GALT: variants seen among roughly 807,000 people sequenced by gnomAD.
GALT encodes UDP-glucose--hexose-1-phosphate uridylyltransferase.
Under a neutral mutation model 55.4 loss-of-function variants are expected in GALT, and 42 were observed. The ratio of observed to expected loss-of-function variants is 0.76; its 90% CI spans 0.59 to 0.98. The LOEUF (loss-of-function observed/expected upper bound fraction) is 0.98. GALT is among the 50% of genes least tolerant of loss of function. The pLI is 0.00. For missense variants in GALT, 407 were observed against 495.7 expected (o/e 0.82, Z 1.70); for synonymous variants, 154 against 181.5 (o/e 0.85, Z 1.22).
Position 34,649,047 on chromosome 9 carries a change from T to G in GALT, c.870T>G (p.Phe290Leu), listed in dbSNP as rs757809358. The G allele has an allele frequency of 6.2e-7, 1 of 1,614,108 alleles. No homozygotes were observed. The highest frequency in any genetic ancestry group is 1.1e-5 in the South Asian group (1 of 91,078). ...KKLLTKYDNLFETSFPYSMGW... is the reference protein window; with the variant it reads ...KKLLTKYDNLLETSFPYSMGW... ...TCTTGACCAAGTATGACAACCTCTT[T>G]GAGACGTCCTTTCCCTACTCCATGG... The change falls in exon 9 of 11, where the codon TTT becomes TTG. Residue 290 changes from phenylalanine to leucine, a missense_variant. Phe to Leu is a conservative substitution (Grantham distance 22, BLOSUM62 0). Transcript: ENST00000378842.
chr9:34,650,396 G>A lies in GALT; in HGVS notation c.1087G>A (p.Glu363Lys), dbSNP rs367543273. 3 of 1,613,990 alleles carry A rather than the reference G, an allele frequency of 1.9e-6. No homozygotes were observed. The highest frequency in any genetic ancestry group is 2.5e-6 in the Non-Finnish European group (3 of 1,179,988). Residue 363 changes from glutamate to lysine, a missense_variant, in exon 11 of 11, where the codon GAG becomes AAG. Coordinates refer to ENST00000378842, the MANE Select transcript of GALT (RefSeq NM_000155.4). Reference sequence around the variant, plus strand: ...TGCAGAGAGACTAAGGGCACTTCCTGAGGTTCATTACCACCTGGGGCAGAA... The same window carrying A: ...TGCAGAGAGACTAAGGGCACTTCCTAAGGTTCATTACCACCTGGGGCAGAA... ...QAAERLRALP[E>K]VHYHLGQKDR... is the part of the protein sequence containing the mutation.
intron 9 of GALT, 109 bp downstream of exon 9, chr9:34,649,190 G>T (rs1013531430): frequency 8.4e-6 from 11 of 1,312,814 alleles, no homozygotes; most frequent in South Asian, 7.1e-5. Flanking sequence ...ACAGTTGCTG[G>T]GGGAAGTGGC....
chr9:34,648,485 A>T lies in GALT; in HGVS notation c.687+29A>T. ...GGAGAGAGCCAAGCCCTGTGTCCCC[A>T]AGGAGTCCCTAACTTTCTTATCCCA... On this transcript the variant is annotated intron_variant, in intron 7 of 10. Coordinates refer to ENST00000378842, the MANE Select transcript of GALT (RefSeq NM_000155.4). This position sits in a 1 kb window ranked among gnomAD's most constrained non-coding sequence, Gnocchi z 4.9. 5 of 1,614,064 alleles carry T rather than the reference A, an allele frequency of 3.1e-6. No individual in the cohort carries two copies. Among genetic ancestry groups the T allele is most frequent in the Non-Finnish European group, 3.4e-6 (4 of 1,180,004 alleles).
Position 34,648,730 on chromosome 9 carries a change from T to C in GALT, c.688-32T>C, listed in dbSNP as rs200821644. On this transcript the variant is annotated intron_variant, in intron 7 of 10. Coordinates refer to ENST00000378842, the MANE Select transcript of GALT (RefSeq NM_000155.4). This position sits in a 1 kb window ranked among gnomAD's most constrained non-coding sequence, Gnocchi z 4.9. ...ACCACACTCCGGCTCCTATGTCACC[T>C]TGATGACTTCCTATCCATTCTGTCT... The C allele has an allele frequency of 1.2e-6, 2 of 1,611,890 alleles. No individual in the cohort carries two copies. The highest frequency in any genetic ancestry group is 2.2e-5 in the East Asian group (1 of 44,886).
In GALT at chr9:34,650,624, T is replaced by A; in HGVS notation, c.*175T>A. 1.6e-6 allele frequency: 1 copy of A among 614,466 alleles called. No individual in the cohort carries two copies. Among genetic ancestry groups the A allele is most frequent in the South Asian group, 2.0e-5 (1 of 51,220 alleles). 38.1% of individuals were successfully genotyped at this position (614,466 alleles called of 1,614,324 possible). On this transcript the variant is annotated 3_prime_UTR_variant, in exon 11 of 11. Transcript: ENST00000378842. ...TCAGAGGAGTGTGAACCTTCAGAGA[T>A]CTAGGGTTAAAAGCTAAAGGCATAG...
In GALT at chr9:34,649,533, C is replaced by T; in HGVS notation, c.1028C>T (p.Ala343Val). The change falls in exon 10 of 11, where the codon GCT becomes GTT. Residue 343 changes from alanine to valine, a missense_variant. Physicochemically the swap from Ala to Val is moderately conservative, Grantham distance 64. Coordinates refer to ENST00000378842, the MANE Select transcript of GALT (RefSeq NM_000155.4). ...RKFMVGYEML[A>V]QAQRDLTPEQ... ...TTCATGGTTGGCTACGAAATGCTTG[C>T]TCAGGCTCAGAGGGACCTCACCCCT... 2 of 1,614,210 alleles carry T rather than the reference C, an allele frequency of 1.2e-6. No individual in the cohort carries two copies. Among genetic ancestry groups the T allele is most frequent in the Non-Finnish European group, 1.7e-6 (2 of 1,180,018 alleles).
Position 34,649,438 on chromosome 9 carries a change from C to A in GALT, c.933C>A (p.Ala311=). 6.2e-7 allele frequency: 1 copy of A among 1,614,158 alleles called. No individual in the cohort carries two copies. The highest frequency in any genetic ancestry group is 1.7e-5 in the Admixed American group (1 of 60,026). The part of the protein sequence containing the change: ...HGAPTGSEAG[A]NWNHWQLHAH... ...CTCCCACAGGATCAGAGGCTGGGGC[C>A]AACTGGAACCATTGGCAGCTGCACG... is the stretch of plus-strand genomic sequence containing the variant. The change falls in exon 10 of 11, where the codon GCC becomes GCA. Residue 311 remains alanine (A), a synonymous_variant. Coordinates refer to ENST00000378842, the MANE Select transcript of GALT (RefSeq NM_000155.4).
chr9:34,648,667 G>T lies in GALT; in HGVS notation c.688-95G>T. ...GTGGTGAGAAGACATCAGATCCTGG[G>T]CACATTCTTTTCTTCTGCTTCCCTT... On this transcript the variant is annotated intron_variant, in intron 7 of 10. Transcript: ENST00000378842. The surrounding 1 kb of genome is among the most constrained non-coding windows in gnomAD (Gnocchi z 4.9). 1 of 1,546,328 alleles carries T rather than the reference G, an allele frequency of 6.5e-7. No homozygotes were observed.
rs147697991 is a variant in GALT, at chr9:34,649,233, A to G, written c.904+152A>G. 7.9e-4 allele frequency: 937 copies of G among 1,192,948 alleles called. 6 individuals carry two copies. The African/African-American group carries it at 0.013, about 16-fold the overall frequency. The allele number at this position is 1,192,948 out of a possible 1,614,324, so 73.9% of individuals were successfully genotyped here. A position where few individuals can be genotyped will look rare whatever the true frequency, so the allele number is the denominator to read the frequency against. On this transcript the variant is annotated intron_variant, in intron 9 of 10. Transcript: ENST00000378842. Reference sequence around the variant, plus strand: ...GAGATGCTGGGACTGAGGGTGGAGCAGCAAACTTGGTGAAACTACATCTCC... The same window carrying G: ...GAGATGCTGGGACTGAGGGTGGAGCGGCAAACTTGGTGAAACTACATCTCC...
chr9:34,649,771 C>T lies in GALT; in HGVS notation c.1059+207C>T, dbSNP rs78103913. ...CTTCTCTCCTGCTTCCTCCAGGGAA[C>T]CCAACAGTCATGACCCTGATAGTTT... On this transcript the variant is annotated intron_variant, in intron 10 of 10. Coordinates refer to ENST00000378842, the MANE Select transcript of GALT (RefSeq NM_000155.4). 6.7e-4 allele frequency: 393 copies of T among 589,644 alleles called. No homozygotes were observed. In the African/African-American group the frequency reaches 6.9e-3, roughly 10 times the overall value. The allele number at this position is 589,644 out of a possible 1,614,324, so 36.5% of individuals were successfully genotyped here.
Position 34,649,521 on chromosome 9 carries a change from A to G in GALT, c.1016A>G (p.Tyr339Cys), listed in dbSNP as rs1483409336. 2 of 1,614,194 alleles carry G rather than the reference A, an allele frequency of 1.2e-6. No individual in the cohort carries two copies. Among genetic ancestry groups the G allele is most frequent in the Non-Finnish European group, 8.5e-7 (1 of 1,180,032 alleles). Residue 339 changes from tyrosine (Y) to cysteine (C), a missense_variant, in exon 10 of 11, where the codon TAC becomes TGC. Physicochemically the swap from Tyr to Cys is radical, Grantham distance 194. Coordinates refer to ENST00000378842, the MANE Select transcript of GALT (RefSeq NM_000155.4). The stretch of plus-strand genomic sequence containing the variant: ...ACTGTCCGGAAATTCATGGTTGGCT[A>G]CGAAATGCTTGCTCAGGCTCAGAGG... ...SATVRKFMVG[Y>C]EMLAQAQRDL...
chr9:34,648,651 A>G lies in GALT; in HGVS notation c.688-111A>G, dbSNP rs1821172047. 6.6e-7 allele frequency: 1 copy of G among 1,511,830 alleles called. No homozygotes were observed. The highest frequency in any genetic ancestry group is 1.4e-5 in the African/African-American group (1 of 72,948). 93.7% of individuals were successfully genotyped at this position (1,511,830 alleles called of 1,614,324 possible). The stretch of plus-strand genomic sequence containing the variant: ...GTGGTTAGTGGTAGAGGTGGTGAGA[A>G]GACATCAGATCCTGGGCACATTCTT... On this transcript the variant is annotated intron_variant, in intron 7 of 10. Coordinates refer to ENST00000378842, the MANE Select transcript of GALT (RefSeq NM_000155.4). This position sits in a 1 kb window ranked among gnomAD's most constrained non-coding sequence, Gnocchi z 4.9.
rs1412238891 is a variant in GALT at position 34,648,878 on chromosome 9, C to T, written c.804C>T (p.Thr268=). 2.5e-6 allele frequency: 4 copies of T among 1,613,092 alleles called. No individual in the cohort carries two copies. The African/African-American group carries it at 5.3e-5, about 22-fold the overall frequency. The change falls in exon 8 of 11, where the codon ACC becomes ACT. Residue 268 remains threonine, a synonymous_variant. Transcript: ENST00000378842. This position sits in a 1 kb window ranked among gnomAD's most constrained non-coding sequence, Gnocchi z 4.9. ...RRHVRRLPEL[T]PAERDDLASI... The stretch of plus-strand genomic sequence containing the variant: ...ATGTGCGGCGGCTACCTGAGCTGAC[C>T]CCTGCTGAGCGTGATGGTCAGTCTC...
rs1243252578 is a variant in GALT, at chr9:34,648,187, G to T, written c.564+16G>T. 5.6e-6 allele frequency: 9 copies of T among 1,613,984 alleles called. No homozygotes were observed. Among genetic ancestry groups the T allele is most frequent in the Non-Finnish European group, 7.6e-6 (9 of 1,180,038 alleles). On this transcript the variant is annotated intron_variant, in intron 6 of 10. Coordinates refer to ENST00000378842, the MANE Select transcript of GALT (RefSeq NM_000155.4). The surrounding 1 kb of genome is among the most constrained non-coding windows in gnomAD (Gnocchi z 4.9). ...CCACTGCCAGGTAAGGGTGTCAGGG[G>T]CTCCAGTGGGTTTCTTGGCTGAGTC...
Position 34,648,089 on chromosome 9 carries a change from C to G in GALT, c.508-26C>G. 3 of 1,614,154 alleles carry G rather than the reference C, an allele frequency of 1.9e-6. No individual in the cohort carries two copies. The highest frequency in any genetic ancestry group is 2.5e-6 in the Non-Finnish European group (3 of 1,180,022). On this transcript the variant is annotated intron_variant, in intron 5 of 10. Transcript: ENST00000378842. The surrounding 1 kb of genome is among the most constrained non-coding windows in gnomAD (Gnocchi z 4.9). ...AGTTGACTTGGTGTCTTTTGGCTAACAGAGCTCCGTATCCCTATCTGATAG... is the reference window on the plus strand; with the variant it reads ...AGTTGACTTGGTGTCTTTTGGCTAAGAGAGCTCCGTATCCCTATCTGATAG...
rs73501024 is a variant in GALT at position 34,650,596 on chromosome 9, A to C, written c.*147A>C. ...TCTCAAACTTTTATCACATACTCTA[A>C]TATCAGAGGAGTGTGAACCTTCAGA... On this transcript the variant is annotated 3_prime_UTR_variant, in exon 11 of 11. Transcript: ENST00000378842. 1.5e-6 allele frequency: 1 copy of C among 671,352 alleles called. No individual in the cohort carries two copies. Among genetic ancestry groups the C allele is most frequent in the Non-Finnish European group, 2.6e-6 (1 of 381,442 alleles). The allele number at this position is 671,352 out of a possible 1,614,324, so 41.6% of individuals were successfully genotyped here. A position where few individuals can be genotyped will look rare whatever the true frequency, so the allele number is the denominator to read the frequency against.
In GALT at chr9:34,647,075, C is replaced by A; in HGVS notation, c.83-14C>A. ...AGAGAGCTCTGAGGACTGATCTTGA[C>A]TGTCTGCCCCCAGACCATCAGCATA... On this transcript the variant is annotated splice_polypyrimidine_tract_variant and intron_variant, in intron 1 of 10. Transcript: ENST00000378842. The surrounding 1 kb of genome is among the most constrained non-coding windows in gnomAD (Gnocchi z 5.6). 1 of 1,614,138 alleles carries A rather than the reference C, an allele frequency of 6.2e-7. No individual in the cohort carries two copies. The highest frequency in any genetic ancestry group is 1.1e-5 in the South Asian group (1 of 91,090).
In GALT at chr9:34,648,709, C is replaced by T; in HGVS notation, c.688-53C>T. On this transcript the variant is annotated intron_variant, in intron 7 of 10. Transcript: ENST00000378842. This position sits in a 1 kb window ranked among gnomAD's most constrained non-coding sequence, Gnocchi z 4.9. ...GCTTCCCTTGCCTATTTGCTGACCA[C>T]ACTCCGGCTCCTATGTCACCTTGAT... 6.2e-7 allele frequency: 1 copy of T among 1,608,654 alleles called. No individual in the cohort carries two copies. Among genetic ancestry groups the T allele is most frequent in the Non-Finnish European group, 8.5e-7 (1 of 1,178,738 alleles).
Position 34,648,226 on chromosome 9 carries a change from T to A in GALT, c.564+55T>A. On this transcript the variant is annotated intron_variant, in intron 6 of 10. Transcript: ENST00000378842. This position sits in a 1 kb window ranked among gnomAD's most constrained non-coding sequence, Gnocchi z 4.9. ...CTTGGCTGAGTCTGAGCCAGCACTG[T>A]GGACATGGGAACAGGATTAATGGAT... The A allele has an allele frequency of 6.2e-7, 1 of 1,613,856 alleles. No homozygotes were observed. Among genetic ancestry groups the A allele is most frequent in the East Asian group, 2.2e-5 (1 of 44,888 alleles).
Sources: allele counts gnomAD v4.1 joint callset, GRCh38; gene constraint gnomAD v4.1.1; non-coding constraint Gnocchi (gnomAD v3.1); transcripts MANE v1.5; gene names NCBI Gene and HGNC (gene_info 2026-07-23, HGNC 2026-07-21).